Variants in ADAMTS18 observed in about 807,000 individuals in gnomAD.
ADAMTS18 encodes the protein ADAM metallopeptidase with thrombospondin type 1 motif 18, also known as A disintegrin and metalloproteinase with thrombospondin motifs 18.
ADAMTS18 carries 157 observed loss-of-function variants against 165.9 expected under a neutral mutation model. The ratio of observed to expected loss-of-function variants is 0.95; its 90% CI spans 0.83 to 1.08. ADAMTS18 has a LOEUF of 1.08. Among genes scored for constraint, ADAMTS18 ranks in the 50% least tolerant of loss-of-function variants. The pLI is 0.00. For synonymous variants in ADAMTS18, 782 were observed against 578.2 expected, an observed-to-expected ratio of 1.35 and a Z score of -5.06; for missense variants, 2,040 against 1,534.0, an observed-to-expected ratio of 1.33 and a Z score of -5.51.
In ADAMTS18 at chr16:77,291,354, T is replaced by C; in HGVS notation, c.3314A>G (p.Asp1105Gly). The C allele has an allele frequency of 6.2e-7, 1 of 1,614,172 alleles. No homozygotes were observed. The highest frequency in any genetic ancestry group is 8.5e-7 in the Non-Finnish European group (1 of 1,180,022). The change falls in exon 21 of 23, where the codon GAC becomes GGC. Residue 1105 changes from aspartate to glycine, a missense_variant. Transcript: ENST00000282849. ...RCRNIKKPNL[D>G]LEETCNRRAC... The stretch of plus-strand genomic sequence containing the variant: ...CCGTCGGTTGCAGGTCTCTTCCAAG[T>C]CCAGATTTGGTTTCTTAATATTACG...
At position 77,356,984 on chromosome 16, in the gene ADAMTS18, AATTTT is replaced by A. The variant is rs1306166662; in HGVS notation, c.1323-912_1323-908del. On this transcript the variant is annotated intron_variant, in intron 8 of 22. Coordinates refer to ENST00000282849, the MANE Select transcript of ADAMTS18 (RefSeq NM_199355.4). Reference sequence around the variant, plus strand: ...CAGCACAGAGAAAAGTCTTTTCTGAAATTTTTTTTTTTTTTTTTTTTTTTAGGGAT... The same window carrying A: ...CAGCACAGAGAAAAGTCTTTTCTGAATTTTTTTTTTTTTTTTTTTAGGGAT... Among the ~76,000 whole-genome samples, 3 of 115,912 alleles carry A rather than the reference AATTTT, an allele frequency of 2.6e-5. 1 individual carries two copies. Among genetic ancestry groups the A allele is most frequent in the Admixed American group, 2.5e-4 (3 of 12,202 alleles). The allele number at this position is 115,912 out of a possible 152,430, so 76.0% of individuals were successfully genotyped here.
intron 3 of ADAMTS18, among the ~76,000 whole-genome samples, chr16:77,410,147 C>T (rs1366677379): frequency 1.3e-5 from 2 of 152,190 alleles, no homozygotes; most frequent in South Asian, 2.1e-4. Flanking sequence ...CAAAGTTTTA[C>T]GAATACCCAT....
intron 22 of ADAMTS18, among the ~76,000 whole-genome samples, chr16:77,288,733 C>T (rs1311454075): frequency 1.3e-5 from 2 of 152,070 alleles, no homozygotes; most frequent in Non-Finnish European, 2.9e-5. Flanking sequence ...TTGTTGTTCA[C>T]CTTTATGTTC....
chr16:77,429,612 T>C (rs562692689), intron 3 of ADAMTS18, among the ~76,000 whole-genome samples: 3 of 152,124 alleles, frequency 2.0e-5, no homozygotes, highest in African/African-American at 7.2e-5. Flanking sequence ...GATAAAAACA[T>C]CATGAAATCT....
chr16:77,358,833 T>G (rs2056669380), intron 8 of ADAMTS18, among the ~76,000 whole-genome samples: 1 of 152,220 alleles, frequency 6.6e-6, no homozygotes, highest in African/African-American at 2.4e-5. Context: ...AAATTCTCTA[T>G]AGCGTTGTCT....
chr16:77,357,935 G>C (rs1301168923), intron 8 of ADAMTS18, among the ~76,000 whole-genome samples: 1 of 152,052 alleles, frequency 6.6e-6, no homozygotes, highest in Non-Finnish European at 1.5e-5. Flanking sequence ...TTTTGATTTT[G>C]GATAATTTTA....
At chr16:77,420,309 A>G (rs1389744618) in intron 3 of ADAMTS18, among the ~76,000 whole-genome samples, 1 of 152,158 alleles carries the variant, frequency 6.6e-6, no homozygotes, top group Non-Finnish European at 1.5e-5. Context: ...TGACACCACC[A>G]TGTCTAAGAT....
chr16:77,418,429 A>G (rs1567553567), intron 3 of ADAMTS18, among the ~76,000 whole-genome samples: 1 of 152,208 alleles, frequency 6.6e-6, no homozygotes, highest in Non-Finnish European at 1.5e-5. Flanking sequence ...TTTAGCTGAC[A>G]TAACTGGGGG....
chr16:77,422,552 G>A (rs1388258768), intron 3 of ADAMTS18, among the ~76,000 whole-genome samples: 1 of 148,584 alleles, frequency 6.7e-6, no homozygotes, highest in African/African-American at 2.5e-5. Flanking sequence ...AAAAAAAAGA[G>A]GAAGGAAGGG....
At chr16:77,329,189 T>C (rs1040126299) in intron 12 of ADAMTS18, among the ~76,000 whole-genome samples, 3 of 151,990 alleles carry the variant, frequency 2.0e-5, no homozygotes, top group Non-Finnish European at 4.4e-5. Context: ...CACTGCAGCC[T>C]CAAATTCCTG....
At chr16:77,431,870 G>T (rs562002148) in intron 2 of ADAMTS18, 5 of 543,292 alleles carry the variant, frequency 9.2e-6, no homozygotes, top group South Asian at 8.4e-5. Flanking sequence ...GTGGAAAAAT[G>T]TAACACCTCT....
chr16:77,344,564 A>T (rs2056447751), intron 10 of ADAMTS18, among the ~76,000 whole-genome samples: 2 of 152,234 alleles, frequency 1.3e-5, no homozygotes, highest in African/African-American at 4.8e-5. Context: ...TTCAGAACTA[A>T]ATTGTTTTTC....
Position 77,320,056 on chromosome 16 carries a change from T to G in ADAMTS18, c.2325A>C (p.Arg775=). The change falls in exon 16 of 23, where the codon CGA becomes CGC. Residue 775 remains arginine, a synonymous_variant. Transcript: ENST00000282849. ...CCTGCAGCTCCTGGATTTCGATGCT[T>G]CGGGCGCCAGCTGGAATGAGGACCA... ...YPVVLIPAGA[R]SIEIQELQVS... 1 of 1,614,088 alleles carries G rather than the reference T, an allele frequency of 6.2e-7. No individual in the cohort carries two copies. The highest frequency in any genetic ancestry group is 8.5e-7 in the Non-Finnish European group (1 of 1,180,012).
chr16:77,366,972 T>A (rs989862842), intron 4 of ADAMTS18, among the ~76,000 whole-genome samples: 2 of 152,192 alleles, frequency 1.3e-5, no homozygotes, highest in African/African-American at 4.8e-5. Context: ...TGGACATCGC[T>A]GGTCTGGAAA....
intron 10 of ADAMTS18, among the ~76,000 whole-genome samples, chr16:77,351,994 C>T (rs1201124619): frequency 2.0e-5 from 3 of 152,006 alleles, no homozygotes; most frequent in Non-Finnish European, 4.4e-5. Context: ...TTGGCCTCCC[C>T]AAATCTTGAC....
chr16:77,313,255 G>C (rs1425689479), intron 16 of ADAMTS18, among the ~76,000 whole-genome samples: 2 of 151,944 alleles, frequency 1.3e-5, no homozygotes, highest in Non-Finnish European at 2.9e-5. Context: ...GAGAATACTT[G>C]GACACAGGAA....
Position 77,294,982 on chromosome 16 carries a change from C to A in ADAMTS18, c.2947G>T (p.Val983Phe). 1 of 1,614,102 alleles carries A rather than the reference C, an allele frequency of 6.2e-7. No individual in the cohort carries two copies. The highest frequency in any genetic ancestry group is 8.5e-7 in the Non-Finnish European group (1 of 1,180,026). ...CAGGCATGGCTGTTGCAGGCTTGGA[C>A]CTGAGTGGGTGTGCTCACTGGACAG... ...SLCPVSTPTQVQACNSHACPP... is the reference protein window; with the variant it reads ...SLCPVSTPTQFQACNSHACPP... The change falls in exon 19 of 23, where the codon GTC becomes TTC. Residue 983 changes from valine (V) to phenylalanine (F), a missense_variant. Coordinates refer to ENST00000282849, the MANE Select transcript of ADAMTS18 (RefSeq NM_199355.4).
intron 7 of ADAMTS18, among the ~76,000 whole-genome samples, chr16:77,360,860 G>C (rs534862096): frequency 1.1e-4 from 16 of 152,166 alleles, no homozygotes; most frequent in Non-Finnish European, 1.8e-4. Context: ...GCTGAGGTGG[G>C]TGGATCATTT....
intron 16 of ADAMTS18, among the ~76,000 whole-genome samples, chr16:77,312,081 C>G (rs2055792087): frequency 6.6e-6 from 1 of 152,110 alleles, no homozygotes; most frequent in Non-Finnish European, 1.5e-5. Context: ...TAGATCTACT[C>G]AACATTTGTC....
Sources: allele counts gnomAD v4.1 joint callset (sites outside exome capture counted in the v4.1 genomes callset), GRCh38; gene constraint gnomAD v4.1.1; transcripts MANE v1.5; gene names NCBI Gene and HGNC (gene_info 2026-07-23, HGNC 2026-07-21).